BMS1: variants seen among roughly 807,000 people sequenced by gnomAD.
The protein encoded by BMS1 is ribosome biogenesis protein BMS1 homolog.
Under a neutral mutation model 138.7 loss-of-function variants are expected in BMS1, and 53 were observed. The ratio of observed to expected loss-of-function variants is 0.38; its 90% CI spans 0.31 to 0.48. The LOEUF (loss-of-function observed/expected upper bound fraction) is 0.48, where lower values mean the gene tolerates loss of function less well. Ranked by LOEUF, BMS1 falls within the 20% of genes least tolerant of loss-of-function variation. The probability of loss-of-function intolerance (pLI) is 0.97; values close to 1 mark genes in which losing one functional copy is unlikely to be tolerated. For missense variants in BMS1, 1,360 were observed against 1,565.5 expected, an observed-to-expected ratio of 0.87 and a Z score of 2.22; for synonymous variants, 504 against 539.9, an observed-to-expected ratio of 0.93 and a Z score of 0.92.
chr10:42,811,313 G>T lies in BMS1; in HGVS notation c.2330-5286G>T, dbSNP rs887139853. 1.2e-3 allele frequency among the ~76,000 whole-genome samples: 181 copies of T among 151,856 alleles called. 1 individual carries two copies. The highest frequency in any genetic ancestry group is 4.2e-3 in the African/African-American group (175 of 41,428). On this transcript the variant is annotated intron_variant, in intron 13 of 22. Transcript: ENST00000374518. ...CTGCCTTGGCCTCCCAAAGTGCTGG[G>T]AATACAGGCATGAGCCACCACATCC... is the stretch of plus-strand genomic sequence containing the variant.
chr10:42,807,439 T>C (rs1040156993), intron 13 of BMS1, among the ~76,000 whole-genome samples: 3 of 152,170 alleles, frequency 2.0e-5, no homozygotes, highest in African/African-American at 7.2e-5. Flanking sequence ...TAACCATTCA[T>C]CCAAGATCAA....
intron 13 of BMS1, among the ~76,000 whole-genome samples, chr10:42,815,348 G>A (rs1320475086): frequency 3.3e-5 from 5 of 152,148 alleles, no homozygotes; most frequent in African/African-American, 1.2e-4. Flanking sequence ...TTGTCCTTTG[G>A]TAGCATATTA....
chr10:42,815,937 G>A (rs749185572), intron 13 of BMS1, among the ~76,000 whole-genome samples: 5 of 152,186 alleles, frequency 3.3e-5, no homozygotes, highest in African/African-American at 9.7e-5. Context: ...TGGTATCAGC[G>A]TGGAGCTTTT....
chr10:42,803,845 TAATG>T (rs1841941154), intron 13 of BMS1, among the ~76,000 whole-genome samples: 1 of 152,192 alleles, frequency 6.6e-6, no homozygotes, highest in Admixed American at 6.5e-5. Flanking sequence ...ACAATCAAAA[TAATG>T]AACACATTTG....
intron 9 of BMS1, among the ~76,000 whole-genome samples, chr10:42,794,324 T>C (rs1456064634): frequency 6.6e-6 from 1 of 152,152 alleles, no homozygotes; most frequent in Non-Finnish European, 1.5e-5. Flanking sequence ...GTCAGGGAGT[T>C]TGTGGCTGTC....
rs199913378 is a variant in BMS1 at position 42,793,891 on chromosome 10, A to G, written c.1129A>G (p.Ile377Val). The change falls in exon 9 of 23, where the codon ATC (isoleucine) becomes GTC (valine). Residue 377 changes from isoleucine (I) to valine (V), a missense_variant. Physicochemically the swap from Ile to Val is conservative, Grantham distance 29. This residue lies in a region of BMS1 where 697 missense variants were observed against 686.2 expected (regional missense o/e 1.02). Coordinates refer to ENST00000374518, the MANE Select transcript of BMS1 (RefSeq NM_014753.4). ...GPTHELVQSL[I>V]STHSTIDAKM... ...CACCCATGAGCTGGTCCAGAGTCTC[A>G]TCTCTACCCACTCCACCATTGATGC... 1.2e-6 allele frequency: 2 copies of G among 1,611,890 alleles called. No individual in the cohort carries two copies. Among genetic ancestry groups the G allele is most frequent in the Non-Finnish European group, 1.7e-6 (2 of 1,179,828 alleles).
intron 13 of BMS1, among the ~76,000 whole-genome samples, chr10:42,812,609 C>T (rs1010168452): frequency 2.6e-5 from 4 of 152,170 alleles, no homozygotes; most frequent in African/African-American, 4.8e-5. Flanking sequence ...CGACACCTGG[C>T]GTGGATGGAT....
At chr10:42,824,625 G>A (rs1842589252) in intron 21 of BMS1, among the ~76,000 whole-genome samples, 1 of 152,044 alleles carries the variant, frequency 6.6e-6, no homozygotes, top group Non-Finnish European at 1.5e-5. Context: ...GTCTTATTTG[G>A]GTCTTGGGTC....
chr10:42,793,586 G>A (rs1217572061), intron 8 of BMS1, among the ~76,000 whole-genome samples: 1 of 152,170 alleles, frequency 6.6e-6, no homozygotes, highest in Non-Finnish European at 1.5e-5. Context: ...AGAAAAGCTA[G>A]CATTGTTGTA....
intron 21 of BMS1, among the ~76,000 whole-genome samples, chr10:42,829,549 C>T (rs927134995): frequency 6.6e-6 from 1 of 152,138 alleles, no homozygotes; most frequent in Non-Finnish European, 1.5e-5. Flanking sequence ...TGTGGTGGCT[C>T]ATGCCTGTAA....
chr10:42,811,587 G>T (rs1242876243), intron 13 of BMS1, among the ~76,000 whole-genome samples: 22 of 133,210 alleles, frequency 1.7e-4, no homozygotes, highest in Non-Finnish European at 1.6e-5. Context: ...TGCAGTGGCG[G>T]GATCTCGGCT....
At chr10:42,823,820 T>A in intron 21 of BMS1, 36 bp downstream of exon 21, 1 of 1,446,834 alleles carries the variant, frequency 6.9e-7, no homozygotes, top group Middle Eastern at 2.6e-4. Context: ...AGATGAAGCC[T>A]GTGCTCTACA....
rs771169071 is a variant in BMS1 at position 42,797,214 on chromosome 10, A to G, written c.1970A>G (p.Asp657Gly). Reference protein sequence around the residue: ...EEEDYKEENNDSKETSGALKW... With the variant: ...EEEDYKEENNGSKETSGALKW... The stretch of plus-strand genomic sequence containing the variant: ...GAAGATTACAAGGAAGAAAATAATG[A>G]TTCCAAAGAAACGTCAGGTAAGCTT... The change falls in exon 10 of 23, where the codon GAT becomes GGT. Residue 657 changes from aspartate to glycine, a missense_variant. Physicochemically the swap from Asp to Gly is moderately conservative, Grantham distance 94. Around this residue, in one of 3 missense-constraint regions of BMS1, gnomAD observed 697 missense variants for 686.2 expected, o/e 1.02. Transcript: ENST00000374518. 3 of 1,603,158 alleles carry G rather than the reference A, an allele frequency of 1.9e-6. No individual in the cohort carries two copies. The highest frequency in any genetic ancestry group is 4.5e-5 in the East Asian group (2 of 44,760).
chr10:42,808,990 C>T (rs1431904327), intron 13 of BMS1, among the ~76,000 whole-genome samples: 1 of 152,126 alleles, frequency 6.6e-6, no homozygotes, highest in Non-Finnish European at 1.5e-5. Context: ...TATCCCAAGG[C>T]TTGTGACTTT....
chr10:42,826,352 A>G (rs961309855), intron 21 of BMS1, among the ~76,000 whole-genome samples: 8 of 151,198 alleles, frequency 5.3e-5, no homozygotes, highest in African/African-American at 1.7e-4. Flanking sequence ...CTCTTGCTCT[A>G]TTTTTGCGAA....
Position 42,823,776 on chromosome 10 carries a change from C to A in BMS1, c.3448C>A (p.Leu1150Met). The A allele has an allele frequency of 6.3e-7, 1 of 1,591,078 alleles. No individual in the cohort carries two copies. The highest frequency in any genetic ancestry group is 8.5e-7 in the Non-Finnish European group (1 of 1,177,704). The change falls in exon 21 of 23, where the codon CTG becomes ATG. Residue 1150 changes from leucine (L) to methionine (M), a missense_variant. Physicochemically the swap from Leu to Met is conservative, Grantham distance 15 (BLOSUM62 2). This residue lies in a region of BMS1 where 425 missense variants were observed against 568.3 expected (regional missense o/e 0.75). Transcript: ENST00000374518. ...GVRLKANKDS[L>M]YKPILRQKKH... ...CAGACTAAAGGCGAACAAGGACTCTCTGTATAAGGTACTGGTCGCGTGTGT... is the reference window on the plus strand; with the variant it reads ...CAGACTAAAGGCGAACAAGGACTCTATGTATAAGGTACTGGTCGCGTGTGT...
At chr10:42,812,152 C>T (rs1193030168) in intron 13 of BMS1, among the ~76,000 whole-genome samples, 2 of 152,114 alleles carry the variant, frequency 1.3e-5, no homozygotes, top group Non-Finnish European at 2.9e-5. Context: ...TTTTGTAAAT[C>T]CTTGCTCCTT....
intron 12 of BMS1, 111 bp from the exon 13 acceptor site, chr10:42,802,026 C>T: frequency 5.5e-6 from 4 of 720,936 alleles, no homozygotes; most frequent in Non-Finnish European, 9.4e-6. Flanking sequence ...ATGAGAATAT[C>T]CATGAAAGTG....
chr10:42,823,565 A>G, intron 20 of BMS1, 44 bp from the exon 21 acceptor site: 2 of 1,471,736 alleles, frequency 1.4e-6, no homozygotes, highest in Non-Finnish European at 1.8e-6. Context: ...TATGGATATG[A>G]ATCTTCTTTT....
Sources: allele counts gnomAD v4.1 joint callset (sites outside exome capture counted in the v4.1 genomes callset), GRCh38; gene constraint gnomAD v4.1.1; regional missense constraint gnomAD v4.1.1; transcripts MANE v1.5; gene names NCBI Gene and HGNC (gene_info 2026-07-23, HGNC 2026-07-21).